SMCHD1: variants seen among roughly 807,000 people sequenced by gnomAD.
The protein encoded by SMCHD1 is structural maintenance of chromosomes flexible hinge domain containing 1.
Under a neutral mutation model 254.7 loss-of-function variants are expected in SMCHD1, and 78 were observed. The ratio of observed to expected loss-of-function variants is 0.31; its 90% CI spans 0.26 to 0.37. The LOEUF (loss-of-function observed/expected upper bound fraction) is 0.37, where lower values mean the gene tolerates loss of function less well. Ranked by LOEUF, SMCHD1 falls within the 10% of genes least tolerant of loss-of-function variation. The pLI, the probability that SMCHD1 is intolerant of heterozygous loss-of-function variation, is 1.00. For missense variants in SMCHD1, 1,840 were observed against 2,408.1 expected (o/e 0.76, Z 4.94); for synonymous variants, 766 against 794.9 (o/e 0.96, Z 0.61).
chr18:2,703,935 T>G, intron 13 of SMCHD1, 49 bp downstream of exon 13: 1 of 1,370,560 alleles, frequency 7.3e-7, no homozygotes, highest in Non-Finnish European at 9.8e-7. Context: ...TAATTTAATT[T>G]AAAACACATA....
intron 41 of SMCHD1, among the ~76,000 whole-genome samples, chr18:2,773,765 A>G (rs559803416): frequency 6.6e-6 from 1 of 152,230 alleles, no homozygotes; most frequent in East Asian, 1.9e-4. Context: ...CTAATAAAAC[A>G]TACAAAAAAT....
intron 44 of SMCHD1, among the ~76,000 whole-genome samples, chr18:2,781,763 T>C (rs2076160735): frequency 6.6e-6 from 1 of 151,908 alleles, no homozygotes; most frequent in Admixed American, 6.6e-5. Flanking sequence ...TCTTAAGAAT[T>C]TGTGAATTAA....
intron 12 of SMCHD1, 192 bp downstream of exon 12, chr18:2,701,110 A>T: frequency 2.3e-6 from 1 of 430,870 alleles, no homozygotes; most frequent in Non-Finnish European, 4.1e-6. Flanking sequence ...GACTAAACCT[A>T]CCTAGTAAAG....
intron 10 of SMCHD1, 32 bp downstream of exon 10, chr18:2,698,073 A>C: frequency 3.3e-6 from 5 of 1,521,404 alleles, no homozygotes; most frequent in Non-Finnish European, 4.5e-6. Flanking sequence ...GTTATAAAAT[A>C]TGAAGTTGTA....
intron 34 of SMCHD1, among the ~76,000 whole-genome samples, chr18:2,753,419 A>G (rs948206802): frequency 1.3e-5 from 2 of 152,212 alleles, no homozygotes; most frequent in Non-Finnish European, 2.9e-5. Flanking sequence ...TAATCTTTAT[A>G]ACACTGGTGC....
At position 2,722,546 on chromosome 18, in the gene SMCHD1, G is replaced by A; in HGVS notation, c.2486G>A (p.Gly829Asp). The change falls in exon 20 of 48, where the codon GGT (glycine) becomes GAT (aspartate). Residue 829 changes from glycine (G) to aspartate (D), a missense_variant. By Grantham distance (94) the Gly-to-Asp change is moderately conservative (BLOSUM62 -1). Around this residue, in one of 9 missense-constraint regions of SMCHD1, gnomAD observed 59 missense variants for 99.2 expected, o/e 0.59. Coordinates refer to ENST00000320876, the MANE Select transcript of SMCHD1 (RefSeq NM_015295.3). ...KEGKPEKFSF[G>D]LLDLPFRVGV... is the part of the protein sequence containing the mutation. ...GGTAAGCCAGAGAAATTTTCATTTGGTCTTCTGGATCTTCCTTTTCGTGTT... is the reference window on the plus strand; with the variant it reads ...GGTAAGCCAGAGAAATTTTCATTTGATCTTCTGGATCTTCCTTTTCGTGTT... 2 of 1,612,390 alleles carry A rather than the reference G, an allele frequency of 1.2e-6. No individual in the cohort carries two copies. The highest frequency in any genetic ancestry group is 1.7e-6 in the Non-Finnish European group (2 of 1,179,322).
At chr18:2,701,037 A>AT in intron 12 of SMCHD1, 119 bp downstream of exon 12, 1 of 759,188 alleles carries the variant, frequency 1.3e-6, no homozygotes, top group Admixed American at 3.0e-5. Context: ...TGATGTATAA[A>AT]TTTTTTTATG....
chr18:2,721,470 C>A (rs2074926250), intron 19 of SMCHD1, among the ~76,000 whole-genome samples: 1 of 151,798 alleles, frequency 6.6e-6, no homozygotes, highest in South Asian at 2.1e-4. Flanking sequence ...ATAAGATGGG[C>A]GTGCTGTAGT....
intron 45 of SMCHD1, 35 bp from the exon 46 acceptor site, chr18:2,795,914 A>G (rs535249470): frequency 9.3e-5 from 143 of 1,533,630 alleles, no homozygotes; most frequent in Non-Finnish European, 1.2e-4. Flanking sequence ...GTTTAATAGC[A>G]GTAATTTAAT....
chr18:2,709,839 A>C (rs1260964707), intron 17 of SMCHD1, among the ~76,000 whole-genome samples: 1 of 151,904 alleles, frequency 6.6e-6, no homozygotes, highest in African/African-American at 2.4e-5. Context: ...ATTTTCTTCC[A>C]CTCTGTGGGT....
intron 7 of SMCHD1, among the ~76,000 whole-genome samples, chr18:2,689,032 C>T (rs368281534): frequency 6.6e-6 from 1 of 151,870 alleles, no homozygotes; most frequent in African/African-American, 2.4e-5. Context: ...AAAACAGTAA[C>T]AGGGTAATGG....
chr18:2,701,146 T>C, intron 12 of SMCHD1: 1 of 331,818 alleles, frequency 3.0e-6, no homozygotes, highest in East Asian at 4.7e-5. Flanking sequence ...AATTTACATA[T>C]CTTCATTAGT....
At chr18:2,723,614 A>T (rs1447433520) in intron 20 of SMCHD1, among the ~76,000 whole-genome samples, 1 of 152,076 alleles carries the variant, frequency 6.6e-6, no homozygotes, top group Non-Finnish European at 1.5e-5. Context: ...TGGGGAGGAG[A>T]GGTCTCAGTA....
intron 17 of SMCHD1, among the ~76,000 whole-genome samples, chr18:2,716,287 T>G (rs968176369): frequency 1.3e-5 from 2 of 152,132 alleles, no homozygotes; most frequent in Non-Finnish European, 2.9e-5. Context: ...ATTGTGGTAG[T>G]AGAGGTGGTG....
chr18:2,725,188 C>T (rs2075002069), intron 21 of SMCHD1, among the ~76,000 whole-genome samples, 193 bp downstream of exon 21: 1 of 151,980 alleles, frequency 6.6e-6, no homozygotes, highest in African/African-American at 2.4e-5. Flanking sequence ...GGCACATTTA[C>T]TACTGTTGTT....
chr18:2,735,163 C>T (rs1009152424), intron 25 of SMCHD1, among the ~76,000 whole-genome samples: 1 of 151,890 alleles, frequency 6.6e-6, no homozygotes, highest in Non-Finnish European at 1.5e-5. Flanking sequence ...AAGTGTGATT[C>T]ACCACATAAA....
chr18:2,742,958 G>A (rs566210580), intron 28 of SMCHD1, among the ~76,000 whole-genome samples: 2 of 152,294 alleles, frequency 1.3e-5, no homozygotes, highest in African/African-American at 4.8e-5. Flanking sequence ...ATAGTCAGGA[G>A]CCACTGTGCC....
At chr18:2,779,285 G>A (rs1456659088) in intron 44 of SMCHD1, among the ~76,000 whole-genome samples, 2 of 152,168 alleles carry the variant, frequency 1.3e-5, no homozygotes, top group Non-Finnish European at 1.5e-5. Context: ...GCCTTATGTA[G>A]CTGGCAACTG....
intron 45 of SMCHD1, among the ~76,000 whole-genome samples, chr18:2,795,231 G>T (rs1190853006): frequency 6.6e-6 from 1 of 152,020 alleles, no homozygotes; most frequent in Admixed American, 6.6e-5. Flanking sequence ...TTTTGTTTTT[G>T]TATTTTTATT....
Sources: gnomAD v4.1 joint callset for allele counts (sites outside exome capture counted in the v4.1 genomes callset) on GRCh38, gnomAD v4.1.1 for gene constraint, gnomAD v4.1.1 regional missense constraint, MANE v1.5 for transcripts, NCBI Gene and HGNC (gene_info 2026-07-23, HGNC 2026-07-21) for gene names.